SPCS3: variants seen among roughly 807,000 people sequenced by gnomAD.
SPCS3 encodes signal peptidase complex subunit 3, also known as SPase 22 kDa subunit.
Under a neutral mutation model 17.2 loss-of-function variants are expected in SPCS3, and 9 were observed. The observed-to-expected ratio is 0.52, with a 90% CI of 0.31 to 0.91. The LOEUF (loss-of-function observed/expected upper bound fraction) is 0.91, where lower values mean the gene tolerates loss of function less well. SPCS3 is among the 40% of genes least tolerant of loss of function. SPCS3 has a pLI of 0.04. For missense variants in SPCS3, 139 were observed against 217.5 expected (o/e 0.64, Z 2.27); for synonymous variants, 87 against 89.6 (o/e 0.97, Z 0.16).
At chr4:176,324,829 G>C (rs972992412) in intron 3 of SPCS3, among the ~76,000 whole-genome samples, 2 of 152,126 alleles carry the variant, frequency 1.3e-5, no homozygotes, top group African/African-American at 2.4e-5. Context: ...TAGGAAAATG[G>C]TGGAGCTCAT....
At chr4:176,322,131 C>A (rs776113975) in intron 1 of SPCS3, 39 bp from the exon 2 acceptor site, 1 of 1,332,770 alleles carries the variant, frequency 7.5e-7, no homozygotes, top group South Asian at 1.2e-5. Flanking sequence ...TGTGTATGTT[C>A]TGTTGGAAGG....
At position 176,328,435 on chromosome 4, in the gene SPCS3, G is replaced by T; in HGVS notation, c.*105G>T. The T allele has an allele frequency of 3.7e-6, 3 of 818,712 alleles. No individual in the cohort carries two copies. The highest frequency in any genetic ancestry group is 4.8e-5 in the Admixed American group (1 of 20,956). 50.7% of individuals were successfully genotyped at this position (818,712 alleles called of 1,614,324 possible). On this transcript the variant is annotated 3_prime_UTR_variant, in exon 5 of 5. Transcript: ENST00000503362. ...ATTGTTGGTTTGTTTTTTGGTTTTGGGTTTTTTTTTTTTTTTTTTTGGTAT... is the reference window on the plus strand; with the variant it reads ...ATTGTTGGTTTGTTTTTTGGTTTTGTGTTTTTTTTTTTTTTTTTTTGGTAT...
intron 4 of SPCS3, 167 bp downstream of exon 4, chr4:176,327,444 C>CTA (rs1731621905): frequency 2.2e-6 from 1 of 445,998 alleles, no homozygotes; most frequent in African/African-American, 2.0e-5. Context: ...AAAGTGAGAT[C>CTA]TAAGATAAGC....
chr4:176,327,115 G>T lies in SPCS3; in HGVS notation c.295-47G>T, dbSNP rs1398525444. The T allele has an allele frequency of 9.1e-6, 10 of 1,100,542 alleles. No individual in the cohort carries two copies. The Admixed American group carries it at 2.9e-4, about 31-fold the overall frequency. 68.2% of individuals were successfully genotyped at this position (1,100,542 alleles called of 1,614,324 possible). A position where few individuals can be genotyped will look rare whatever the true frequency, so the allele number is the denominator to read the frequency against. The stretch of plus-strand genomic sequence containing the variant: ...TAATACTTTTAATTTGAAGTGATAA[G>T]ATGGTATTTCTGATGAGTTATCTAA... On this transcript the variant is annotated intron_variant, in intron 3 of 4. Coordinates refer to ENST00000503362, the MANE Select transcript of SPCS3 (RefSeq NM_021928.4).
chr4:176,326,243 G>A (rs1353174950), intron 3 of SPCS3, among the ~76,000 whole-genome samples: 1 of 152,082 alleles, frequency 6.6e-6, no homozygotes, highest in Non-Finnish European at 1.5e-5. Flanking sequence ...GGAGGTTGCA[G>A]TGAGCTGAGA....
At chr4:176,322,549 T>A (rs1731552313) in intron 2 of SPCS3, among the ~76,000 whole-genome samples, 1 of 152,154 alleles carries the variant, frequency 6.6e-6, no homozygotes, top group Non-Finnish European at 1.5e-5. Flanking sequence ...ATCATTTGGA[T>A]AAGAAGGAAA....
intron 3 of SPCS3, among the ~76,000 whole-genome samples, chr4:176,325,245 G>C (rs546444981): frequency 6.6e-6 from 1 of 151,460 alleles, no homozygotes; most frequent in African/African-American, 2.4e-5. Context: ...TAGTAGAGAC[G>C]GTTTCACCAT....
chr4:176,324,048 G>A, intron 2 of SPCS3, 133 bp from the exon 3 acceptor site: 1 of 414,820 alleles, frequency 2.4e-6, no homozygotes, highest in Non-Finnish European at 4.0e-6. Flanking sequence ...TTAAATTAGT[G>A]GCACATTATG....
chr4:176,322,030 G>A lies in SPCS3; in HGVS notation c.144-140G>A, dbSNP rs567240885. ...TGTTTCTCCTGTTTTCACACTTACA[G>A]GTTTCTCTGGTGTTTACTCGTTTCT... On this transcript the variant is annotated intron_variant, in intron 1 of 4. Coordinates refer to ENST00000503362, the MANE Select transcript of SPCS3 (RefSeq NM_021928.4). 6.8e-5 allele frequency: 35 copies of A among 514,394 alleles called. No individual in the cohort carries two copies. The South Asian group carries it at 9.7e-4, about 14-fold the overall frequency. 31.9% of individuals were successfully genotyped at this position (514,394 alleles called of 1,614,324 possible). A position where few individuals can be genotyped will look rare whatever the true frequency, so the allele number is the denominator to read the frequency against.
At chr4:176,326,021 C>T (rs867819235) in intron 3 of SPCS3, among the ~76,000 whole-genome samples, 5 of 152,014 alleles carry the variant, frequency 3.3e-5, no homozygotes, top group East Asian at 1.9e-4. Context: ...TAGTTCAGGC[C>T]GGGCACAGTG....
intron 3 of SPCS3, among the ~76,000 whole-genome samples, chr4:176,325,351 G>T (rs1024737267): frequency 6.6e-6 from 1 of 151,920 alleles, no homozygotes; most frequent in African/African-American, 2.4e-5. Flanking sequence ...ACCGCGCCCG[G>T]CCGTTGTTTA....
intron 2 of SPCS3, among the ~76,000 whole-genome samples, chr4:176,322,621 A>G (rs746717064): frequency 1.3e-5 from 2 of 151,888 alleles, no homozygotes; most frequent in African/African-American, 2.4e-5. Flanking sequence ...TAATATATCC[A>G]TATTTTATTA....
chr4:176,322,699 A>G (rs1731554470), intron 2 of SPCS3, among the ~76,000 whole-genome samples: 10 of 152,148 alleles, frequency 6.6e-5, no homozygotes, highest in Admixed American at 6.5e-4. Flanking sequence ...TCATATCAAA[A>G]TTATTGGTAA....
chr4:176,321,216 A>T (rs1475173494), intron 1 of SPCS3: 1 of 150,824 alleles, frequency 6.6e-6, no homozygotes, highest in Non-Finnish European at 1.5e-5. Context: ...TATTGTTCGA[A>T]TAGACCTGGG....
At chr4:176,324,301 C>G in intron 3 of SPCS3, 44 bp downstream of exon 3, 1 of 882,002 alleles carries the variant, frequency 1.1e-6, no homozygotes, top group East Asian at 4.1e-5. Context: ...TATTTAAAGT[C>G]TTACTCTTTA....
In SPCS3 at chr4:176,328,393, C is replaced by A; in HGVS notation, c.*63C>A. On this transcript the variant is annotated 3_prime_UTR_variant, in exon 5 of 5. Transcript: ENST00000503362. ...ATGAATTGTATCTCATTAATCTCTT[C>A]CCTTACATCTTCATGTATTGTTGGT... 1 of 1,304,818 alleles carries A rather than the reference C, an allele frequency of 7.7e-7. No homozygotes were observed. 80.8% of individuals were successfully genotyped at this position (1,304,818 alleles called of 1,614,324 possible).
At chr4:176,324,098 T>C in intron 2 of SPCS3, 83 bp from the exon 3 acceptor site, 1 of 725,352 alleles carries the variant, frequency 1.4e-6, no homozygotes. Context: ...ATTACTGTTA[T>C]GGATAAATAA....
chr4:176,325,308 C>A (rs1352280645), intron 3 of SPCS3, among the ~76,000 whole-genome samples: 1 of 151,944 alleles, frequency 6.6e-6, no homozygotes, highest in Non-Finnish European at 1.5e-5. Flanking sequence ...CATGCCTCGT[C>A]CTCCCAAAGT....
intron 1 of SPCS3, chr4:176,321,162 C>A (rs1032000588): frequency 2.7e-5 from 4 of 149,648 alleles, no homozygotes. Flanking sequence ...TCTCCCCCCA[C>A]CTTTTTTTTT....
Sources: gnomAD v4.1 joint callset for allele counts (sites outside exome capture counted in the v4.1 genomes callset) on GRCh38, gnomAD v4.1.1 for gene constraint, MANE v1.5 for transcripts, NCBI Gene and HGNC (gene_info 2026-07-23, HGNC 2026-07-21) for gene names.